WAC: variants seen among roughly 807,000 people sequenced by gnomAD.
The protein encoded by WAC is WW domain containing adaptor with coiled-coil, also known as WW domain-containing adapter protein with coiled-coil.
WAC carries 11 observed loss-of-function variants against 79.6 expected under a neutral mutation model. The observed-to-expected ratio is 0.14, with a 90% confidence interval of 0.09 to 0.23. The LOEUF (loss-of-function observed/expected upper bound fraction) is 0.23, where lower values mean the gene tolerates loss of function less well. Among genes scored for constraint, WAC ranks in the 10% least tolerant of loss-of-function variants. WAC has a pLI of 1.00. For missense variants in WAC, 728 were observed against 773.5 expected (o/e 0.94, Z 0.70); for synonymous variants, 304 against 276.9 (o/e 1.10, Z -0.97).
At chr10:28,608,639 C>G in intron 8 of WAC, 2 of 555,814 alleles carry the variant, frequency 3.6e-6, no homozygotes, top group South Asian at 2.3e-5. Context: ...GTTAGTGGTG[C>G]TTGGATCTTG....
intron 2 of WAC, among the ~76,000 whole-genome samples, chr10:28,535,084 T>C (rs1270699557): frequency 6.6e-6 from 1 of 151,836 alleles, no homozygotes; most frequent in African/African-American, 2.4e-5. Flanking sequence ...AAATGCTTTA[T>C]TTGAATCAAA....
chr10:28,602,320 A>G (rs975235951), intron 7 of WAC, among the ~76,000 whole-genome samples: 1 of 152,214 alleles, frequency 6.6e-6, no homozygotes, highest in African/African-American at 2.4e-5. Flanking sequence ...TTGTTGTAAA[A>G]CAGCATATTT....
chr10:28,600,290 A>T (rs979369062), intron 7 of WAC, among the ~76,000 whole-genome samples: 2 of 152,158 alleles, frequency 1.3e-5, no homozygotes, highest in African/African-American at 4.8e-5. Context: ...ATGAGGTGTG[A>T]GTCAGTCACT....
intron 3 of WAC, among the ~76,000 whole-genome samples, chr10:28,539,512 C>T (rs1836884323): frequency 6.6e-6 from 1 of 151,572 alleles, no homozygotes; most frequent in African/African-American, 2.4e-5. Context: ...AACATACAAT[C>T]TTGTTTAAAG....
intron 3 of WAC, among the ~76,000 whole-genome samples, chr10:28,541,673 C>A (rs1837059505): frequency 6.6e-6 from 1 of 151,914 alleles, no homozygotes; most frequent in East Asian, 1.9e-4. Flanking sequence ...ATAGGCTGAT[C>A]AGTATTATTC....
intron 13 of WAC, 77 bp downstream of exon 13, chr10:28,617,861 C>G: frequency 7.0e-7 from 1 of 1,435,812 alleles, no homozygotes; most frequent in Non-Finnish European, 9.2e-7. Context: ...ATGTAAATCA[C>G]ATTTTATTTA....
At chr10:28,541,877 G>A (rs1837072136) in intron 3 of WAC, among the ~76,000 whole-genome samples, 1 of 151,984 alleles carries the variant, frequency 6.6e-6, no homozygotes, top group African/African-American at 2.4e-5. Flanking sequence ...TAGTGTTCCC[G>A]AGTCCATTTT....
intron 4 of WAC, among the ~76,000 whole-genome samples, chr10:28,584,372 C>G (rs919370000): frequency 1.3e-5 from 2 of 152,114 alleles, no homozygotes; most frequent in African/African-American, 4.8e-5. Flanking sequence ...AGAGAACTGC[C>G]AGAATTTTGA....
chr10:28,539,093 G>C (rs978023955), intron 3 of WAC, among the ~76,000 whole-genome samples: 3 of 152,012 alleles, frequency 2.0e-5, no homozygotes, highest in African/African-American at 7.2e-5. Flanking sequence ...GCTATGATTT[G>C]TAACTTGCAT....
At chr10:28,595,151 T>G (rs1255723137) in intron 6 of WAC, among the ~76,000 whole-genome samples, 1 of 152,238 alleles carries the variant, frequency 6.6e-6, no homozygotes, top group Non-Finnish European at 1.5e-5. Flanking sequence ...ATTGGTTTAC[T>G]TACTGTGTTC....
intron 9 of WAC, chr10:28,611,028 T>C (rs1248562981): frequency 1.6e-6 from 1 of 611,006 alleles, no homozygotes; most frequent in Non-Finnish European, 2.6e-6. Flanking sequence ...AGCTTTGACA[T>C]TTGTCTTAAG....
intron 6 of WAC, chr10:28,591,680 G>A (rs1051313063): frequency 7.2e-5 from 11 of 152,152 alleles, no homozygotes; most frequent in Admixed American, 5.9e-4. Flanking sequence ...TGTGCAACAT[G>A]GCGAGACCCA....
intron 3 of WAC, among the ~76,000 whole-genome samples, chr10:28,576,078 C>T (rs192199906): frequency 2.6e-5 from 4 of 152,182 alleles, no homozygotes; most frequent in Admixed American, 2.0e-4. Flanking sequence ...TCTAGGTTTG[C>T]GTTAGTACAC....
intron 7 of WAC, among the ~76,000 whole-genome samples, chr10:28,607,805 G>A (rs1841034186): frequency 6.6e-6 from 1 of 152,118 alleles, no homozygotes; most frequent in Non-Finnish European, 1.5e-5. Context: ...ATTAAATCCT[G>A]TAGAATTATA....
intron 6 of WAC, among the ~76,000 whole-genome samples, chr10:28,592,475 T>C (rs573367833): frequency 5.3e-5 from 8 of 151,936 alleles, no homozygotes; most frequent in Admixed American, 3.3e-4. Context: ...ACAAAAGTTA[T>C]CTAGGTGTGG....
At chr10:28,581,092 T>C (rs1274101697) in intron 3 of WAC, among the ~76,000 whole-genome samples, 1 of 152,130 alleles carries the variant, frequency 6.6e-6, no homozygotes, top group Non-Finnish European at 1.5e-5. Context: ...ACTAGAGATT[T>C]AGTGTGCACG....
At position 28,621,863 on chromosome 10, in the gene WAC, G is replaced by T. The variant is rs183527632; in HGVS notation, c.*2257G>T. The T allele has an allele frequency of 9.7e-4, 148 of 152,180 alleles. No individual in the cohort carries two copies. Among genetic ancestry groups the T allele is most frequent in the African/African-American group, 3.4e-3 (143 of 41,534 alleles). The allele number at this position is 152,180 out of a possible 1,614,324, so 9.4% of individuals were successfully genotyped here. A position where few individuals can be genotyped will look rare whatever the true frequency, so the allele number is the denominator to read the frequency against. The stretch of plus-strand genomic sequence containing the variant: ...TATTTAGGAGAAGATGCCTAATTTG[G>T]TATTTCTTAATAGTGAATTTTTTTT... On this transcript the variant is annotated 3_prime_UTR_variant, in exon 14 of 14. Coordinates refer to ENST00000354911, the MANE Select transcript of WAC (RefSeq NM_016628.5).
At position 28,535,728 on chromosome 10, in the gene WAC, A is replaced by G. The variant is rs756347377; in HGVS notation, c.245A>G (p.His82Arg). 6.2e-7 allele frequency: 1 copy of G among 1,613,900 alleles called. No individual in the cohort carries two copies. Among genetic ancestry groups the G allele is most frequent in the Non-Finnish European group, 8.5e-7 (1 of 1,179,876 alleles). ...GGTCACAGTAAGGCCAAAAATGTGC[A>G]TACTCACAGAGTTAGAGAGAGGGAT... ...STGHSKAKNV[H>R]THRVRERDGG... The change falls in exon 3 of 14, where the codon CAT becomes CGT. Residue 82 changes from histidine to arginine, a missense_variant. Around this residue, in one of 3 missense-constraint regions of WAC, gnomAD observed 648 missense variants for 661.5 expected, o/e 0.98. Coordinates refer to ENST00000354911, the MANE Select transcript of WAC (RefSeq NM_016628.5).
intron 3 of WAC, among the ~76,000 whole-genome samples, chr10:28,568,516 G>A (rs1464694752): frequency 6.6e-6 from 1 of 151,914 alleles, no homozygotes; most frequent in Non-Finnish European, 1.5e-5. Context: ...GAGTAGCTAG[G>A]ATTACAGGCA....
Sources: gnomAD v4.1 joint callset for allele counts (sites outside exome capture counted in the v4.1 genomes callset) on GRCh38, gnomAD v4.1.1 for gene constraint, gnomAD v4.1.1 regional missense constraint, MANE v1.5 for transcripts, NCBI Gene and HGNC (gene_info 2026-07-23, HGNC 2026-07-21) for gene names.